Variants in HMGA1 observed in about 807,000 individuals in gnomAD.
HMGA1 encodes high mobility group protein HMG-I/HMG-Y.
Under a neutral mutation model 15.1 loss-of-function variants are expected in HMGA1, and 1 was observed. The ratio of observed to expected loss-of-function variants is 0.07; its 90% CI spans 0.02 to 0.31. HMGA1 has a LOEUF of 0.31. Ranked by LOEUF, HMGA1 falls within the 10% of genes least tolerant of loss-of-function variation. The pLI, the probability that HMGA1 is intolerant of heterozygous loss-of-function variation, is 1.00. For synonymous variants in HMGA1, 56 were observed against 54.8 expected (o/e 1.02, Z -0.10); for missense variants, 94 against 141.4 (o/e 0.66, Z 1.70).
At chr6:34,237,464 G>A (rs1761865764) in intron 2 of HMGA1, 147 bp downstream of exon 2, 1 of 144,594 alleles carries the variant, frequency 6.9e-6, no homozygotes, top group African/African-American at 2.5e-5. Context: ...AGCCGGCGGC[G>A]GGGGAGGGCC....
intron 3 of HMGA1, among the ~76,000 whole-genome samples, chr6:34,241,786 CATG>C (rs1469369708): frequency 2.0e-5 from 3 of 152,224 alleles, no homozygotes; most frequent in African/African-American, 7.2e-5. Flanking sequence ...GCCCCTTAAA[CATG>C]ATACAGGTTG....
chr6:34,239,657 G>A (rs115226583), intron 2 of HMGA1, among the ~76,000 whole-genome samples: 4,102 of 150,824 alleles, frequency 0.027, 143 homozygotes, highest in African/African-American at 0.086. Context: ...CTAGGCCTCC[G>A]GCGTCTCATC....
chr6:34,244,915 G>C lies in HMGA1; in HGVS notation c.*31G>C. 4.5e-6 allele frequency: 7 copies of C among 1,551,106 alleles called. No individual in the cohort carries two copies. The highest frequency in any genetic ancestry group is 6.1e-6 in the Non-Finnish European group (7 of 1,147,350). On this transcript the variant is annotated 3_prime_UTR_variant, in exon 6 of 6. Coordinates refer to ENST00000311487, the MANE Select transcript of HMGA1 (RefSeq NM_145899.3). ...GCGTGCCGCCTGCTCCTCACTGGAG[G>C]AGCAGCTTCCTTCTGGGACTGGACA...
rs560993747 is a variant in HMGA1 at position 34,240,759 on chromosome 6, C to T, written c.-22C>T. ...CAGCATCCCAGCCATCACTCTTCCA[C>T]CTGCTCCTTAGAGAAGGGAAGATGA... On this transcript the variant is annotated 5_prime_UTR_variant, in exon 3 of 6. Transcript: ENST00000311487. 1.2e-5 allele frequency: 19 copies of T among 1,612,104 alleles called. No individual in the cohort carries two copies. In the East Asian group the frequency reaches 3.1e-4, roughly 26 times the overall value.
intron 3 of HMGA1, among the ~76,000 whole-genome samples, chr6:34,242,067 G>A (rs3798539): frequency 5.9e-5 from 9 of 152,256 alleles, no homozygotes; most frequent in African/African-American, 2.2e-4. Context: ...TAGCTGGCGC[G>A]CCTTCACCAC....
intron 2 of HMGA1, among the ~76,000 whole-genome samples, chr6:34,239,691 C>G (rs963785426): frequency 1.0e-4 from 5 of 49,734 alleles, no homozygotes; most frequent in Non-Finnish European, 8.8e-5. Flanking sequence ...GGGATAAGGA[C>G]TAGGATGAAG....
intron 2 of HMGA1, among the ~76,000 whole-genome samples, chr6:34,238,097 T>C (rs1175092389): frequency 1.3e-5 from 2 of 152,166 alleles, no homozygotes; most frequent in Non-Finnish European, 2.9e-5. Context: ...GAGGGGGCTT[T>C]CTTCCTCTCC....
chr6:34,238,988 T>A (rs1762067384), intron 2 of HMGA1: 1 of 152,182 alleles, frequency 6.6e-6, no homozygotes. Context: ...TTAATTTTGA[T>A]GTTTAGTTTG....
At position 34,238,552 on chromosome 6, in the gene HMGA1, A is replaced by G. The variant is rs955718933; in HGVS notation, c.-45+1235A>G. 2.0e-5 allele frequency among the ~76,000 whole-genome samples: 3 copies of G among 152,224 alleles called. No homozygotes were observed. The East Asian group carries it at 5.8e-4, about 29-fold the overall frequency. ...GATAATTTCCTAGGGCCTTTCCTGC[A>G]GAGTCCTTAAGTATTTGAGGAGCAC... On this transcript the variant is annotated intron_variant, in intron 2 of 5. Coordinates refer to ENST00000311487, the MANE Select transcript of HMGA1 (RefSeq NM_145899.3).
chr6:34,241,829 G>A (rs536956614), intron 3 of HMGA1, among the ~76,000 whole-genome samples: 1 of 152,346 alleles, frequency 6.6e-6, no homozygotes, highest in African/African-American at 2.4e-5. Flanking sequence ...TGTCCGTACG[G>A]TGGAGAGTGG....
chr6:34,238,259 C>T (rs1011228153), intron 2 of HMGA1, among the ~76,000 whole-genome samples: 8 of 152,042 alleles, frequency 5.3e-5, no homozygotes, highest in Non-Finnish European at 1.0e-4. Context: ...GCCCCTCCCC[C>T]CGCGCGCCCT....
intron 5 of HMGA1, 144 bp from the exon 6 acceptor site, chr6:34,244,687 G>T (rs1207463138): frequency 4.2e-6 from 3 of 720,936 alleles, no homozygotes; most frequent in East Asian, 5.4e-5. Flanking sequence ...GGGCCGTGGA[G>T]GTTGCTGAGT....
At chr6:34,242,431 T>A (rs1762381632) in intron 3 of HMGA1, among the ~76,000 whole-genome samples, 3 of 152,152 alleles carry the variant, frequency 2.0e-5, no homozygotes, top group Admixed American at 2.0e-4. Flanking sequence ...CAGAGCCACC[T>A]AACTGTCTTT....
intron 2 of HMGA1, among the ~76,000 whole-genome samples, chr6:34,238,484 A>C (rs1762018353): frequency 6.6e-6 from 1 of 152,204 alleles, no homozygotes; most frequent in Non-Finnish European, 1.5e-5. Flanking sequence ...TCTCTGGGCT[A>C]CTTTTTTACG....
intron 5 of HMGA1, 85 bp from the exon 6 acceptor site, chr6:34,244,746 G>C: frequency 9.0e-7 from 1 of 1,112,374 alleles, no homozygotes; most frequent in Non-Finnish European, 1.3e-6. Context: ...GAGCCAGGGA[G>C]TGCAGGGAGC....
chr6:34,237,841 C>T (rs894981424), intron 2 of HMGA1, among the ~76,000 whole-genome samples: 13 of 151,818 alleles, frequency 8.6e-5, no homozygotes, highest in African/African-American at 2.2e-4. Flanking sequence ...GGCCCTACGC[C>T]CTCTCGGCCT....
intron 2 of HMGA1, 144 bp from the exon 3 acceptor site, chr6:34,240,593 A>T: frequency 1.5e-6 from 1 of 678,844 alleles, no homozygotes. Context: ...GGGTGGGCAG[A>T]CCCCTCCATC....
At chr6:34,238,582 T>A (rs1013542256) in intron 2 of HMGA1, among the ~76,000 whole-genome samples, 2 of 152,176 alleles carry the variant, frequency 1.3e-5, no homozygotes, top group African/African-American at 4.8e-5. Context: ...GAGCACAGTT[T>A]GCATGCACAG....
chr6:34,244,339 C>T (rs1428723264), intron 5 of HMGA1, among the ~76,000 whole-genome samples: 1 of 152,114 alleles, frequency 6.6e-6, no homozygotes, highest in Non-Finnish European at 1.5e-5. Flanking sequence ...TCCTCCCCAC[C>T]CCGGCCTAGG....
Sources: gnomAD v4.1 joint callset for allele counts (sites outside exome capture counted in the v4.1 genomes callset) on GRCh38, gnomAD v4.1.1 for gene constraint, MANE v1.5 for transcripts, NCBI Gene and HGNC (gene_info 2026-07-23, HGNC 2026-07-21) for gene names.